Variants in SLC9A9 observed in about 807,000 individuals in gnomAD.
The protein encoded by SLC9A9 is solute carrier family 9 member A9.
SLC9A9 carries 62 observed loss-of-function variants against 77.8 expected under a neutral mutation model. The observed-to-expected ratio is 0.80, with a 90% CI of 0.65 to 0.98. The LOEUF is 0.98. Ranked by LOEUF, SLC9A9 falls within the 50% of genes least tolerant of loss-of-function variation. SLC9A9 has a pLI of 0.00. For missense variants in SLC9A9, 775 were observed against 774.9 expected (o/e 1.00, Z 0.00); for synonymous variants, 320 against 283.5 (o/e 1.13, Z -1.29).
Position 143,386,994 on chromosome 3 carries a change from C to A in SLC9A9, c.1470-4880G>T, listed in dbSNP as rs1199231814. On this transcript the variant is annotated intron_variant, in intron 12 of 15. Transcript: ENST00000316549. ...TAGCTGGGATTATAGGCGTACGCCA[C>A]CACACCCAGCTGATTTTTGTATTTT... Among the ~76,000 whole-genome samples the A allele has an allele frequency of 2.0e-5, 3 of 152,158 alleles. No individual in the cohort carries two copies. The East Asian group carries it at 5.8e-4, about 29-fold the overall frequency.
chr3:143,466,060 T>C (rs2035275589), intron 12 of SLC9A9, among the ~76,000 whole-genome samples: 1 of 152,230 alleles, frequency 6.6e-6, no homozygotes, highest in Non-Finnish European at 1.5e-5. Context: ...TAACTTTTCA[T>C]GAATTATGTA....
At chr3:143,332,651 A>C (rs538289983) in intron 14 of SLC9A9, among the ~76,000 whole-genome samples, 15 of 152,244 alleles carry the variant, frequency 9.9e-5, no homozygotes, top group Non-Finnish European at 1.9e-4. Context: ...ACAAAAGCCA[A>C]GTGGTTCATT....
At chr3:143,720,667 C>G (rs1934472986) in intron 4 of SLC9A9, among the ~76,000 whole-genome samples, 2 of 152,156 alleles carry the variant, frequency 1.3e-5, no homozygotes, top group African/African-American at 4.8e-5. Context: ...CCCTCTCCAC[C>G]TTCTGTTACT....
intron 4 of SLC9A9, chr3:143,698,177 A>T (rs2108786453): frequency 6.5e-6 from 1 of 153,876 alleles, no homozygotes; most frequent in Admixed American, 6.5e-5. Flanking sequence ...GGTGAAGTCT[A>T]GTGCATACAA....
Position 143,638,830 on chromosome 3 carries a change from A to G in SLC9A9, c.755+13425T>C, listed in dbSNP as rs2038572811. On this transcript the variant is annotated intron_variant, in intron 6 of 15. Coordinates refer to ENST00000316549, the MANE Select transcript of SLC9A9 (RefSeq NM_173653.4). ...AGATTCCCTAAGCATCCCATGCCCC[A>G]GTAAGGCAGAGCCCACATAAAACTG... Among the ~76,000 whole-genome samples, 3 of 152,366 alleles carry G rather than the reference A, an allele frequency of 2.0e-5. No individual in the cohort carries two copies. In the East Asian group the frequency reaches 5.8e-4, roughly 29 times the overall value.
At chr3:143,628,630 G>A (rs922373967) in intron 6 of SLC9A9, among the ~76,000 whole-genome samples, 1 of 152,086 alleles carries the variant, frequency 6.6e-6, no homozygotes, top group Non-Finnish European at 1.5e-5. Context: ...CATATTTAAC[G>A]TTAGTAAGAT....
chr3:143,465,816 G>A (rs1007393879), intron 12 of SLC9A9, among the ~76,000 whole-genome samples: 6 of 152,166 alleles, frequency 3.9e-5, no homozygotes, highest in Non-Finnish European at 7.4e-5. Context: ...TCACATTTAT[G>A]TGCCTAGGAA....
chr3:143,271,424 G>C (rs1937896136), intron 14 of SLC9A9, among the ~76,000 whole-genome samples: 1 of 152,288 alleles, frequency 6.6e-6, no homozygotes, highest in Admixed American at 6.5e-5. Context: ...AATATTGACT[G>C]AAATAACATA....
At chr3:143,665,921 A>G in intron 5 of SLC9A9, among the ~76,000 whole-genome samples, 1 of 152,230 alleles carries the variant, frequency 6.6e-6, no homozygotes, top group Non-Finnish European at 1.5e-5. Context: ...AGCTGGCACC[A>G]TTCCTTCTGA....
intron 14 of SLC9A9, among the ~76,000 whole-genome samples, chr3:143,291,208 C>T (rs756012933): frequency 3.3e-5 from 5 of 152,144 alleles, no homozygotes; most frequent in Non-Finnish European, 7.4e-5. Context: ...TTGAGCAGCA[C>T]CCTCCTTGTC....
At chr3:143,368,205 A>G (rs1407227852) in intron 13 of SLC9A9, among the ~76,000 whole-genome samples, 1 of 152,178 alleles carries the variant, frequency 6.6e-6, no homozygotes, top group African/African-American at 2.4e-5. Flanking sequence ...GGCAGTGGAT[A>G]GTTTTCTTTT....
intron 4 of SLC9A9, among the ~76,000 whole-genome samples, chr3:143,736,946 T>A (rs1934955529): frequency 6.6e-6 from 1 of 152,216 alleles, no homozygotes; most frequent in Admixed American, 6.5e-5. Flanking sequence ...TTTCCCACTT[T>A]CTCTGACAAT....
intron 4 of SLC9A9, among the ~76,000 whole-genome samples, chr3:143,738,277 G>A (rs536887337): frequency 6.6e-6 from 1 of 152,258 alleles, no homozygotes; most frequent in East Asian, 1.9e-4. Context: ...GCTTAGGGCA[G>A]TACCGGATAG....
intron 12 of SLC9A9, among the ~76,000 whole-genome samples, chr3:143,449,780 T>C (rs1183215442): frequency 4.6e-5 from 4 of 87,094 alleles, no homozygotes; most frequent in Non-Finnish European, 5.9e-5. Flanking sequence ...TATATATATT[T>C]ATATATAATT....
chr3:143,565,714 GTT>G (rs200968782), intron 8 of SLC9A9, among the ~76,000 whole-genome samples: 1 of 146,352 alleles, frequency 6.8e-6, no homozygotes, highest in African/African-American at 2.5e-5. Flanking sequence ...TCAGGGTTTT[GTT>G]TTTTTTTTTC....
At chr3:143,598,928 T>C (rs1296334149) in intron 6 of SLC9A9, among the ~76,000 whole-genome samples, 1 of 152,232 alleles carries the variant, frequency 6.6e-6, no homozygotes, top group Non-Finnish European at 1.5e-5. Context: ...GAATCTTTTG[T>C]TTGTTTCTAT....
At chr3:143,407,800 A>G (rs2034010326) in intron 12 of SLC9A9, among the ~76,000 whole-genome samples, 1 of 152,244 alleles carries the variant, frequency 6.6e-6, no homozygotes, top group African/African-American at 2.4e-5. Flanking sequence ...TGCTTCTGAA[A>G]TTTTAATATG....
At chr3:143,441,834 T>TC (rs2034742818) in intron 12 of SLC9A9, among the ~76,000 whole-genome samples, 1 of 129,596 alleles carries the variant, frequency 7.7e-6, no homozygotes, top group Non-Finnish European at 1.8e-5. Context: ...ATTTACTCAT[T>TC]CATCCATCCA....
In SLC9A9 at chr3:143,349,753, G is replaced by T. The variant is rs560249567; in HGVS notation, c.1604+13731C>A. ...TATCAATGTTGTATTCATAACATCA[G>T]TTAACCTGGCGGTTAACTTAAGTGA... On this transcript the variant is annotated intron_variant, in intron 14 of 15. Coordinates refer to ENST00000316549, the MANE Select transcript of SLC9A9 (RefSeq NM_173653.4). Among the ~76,000 whole-genome samples, 13 of 152,304 alleles carry T rather than the reference G, an allele frequency of 8.5e-5. No homozygotes were observed. In the East Asian group the frequency reaches 2.5e-3, roughly 29 times the overall value.
Sources: allele counts gnomAD v4.1 joint callset (sites outside exome capture counted in the v4.1 genomes callset), GRCh38; gene constraint gnomAD v4.1.1; transcripts MANE v1.5; gene names NCBI Gene and HGNC (gene_info 2026-07-23, HGNC 2026-07-21).